Variants in SMYD3 observed in about 807,000 individuals in gnomAD.
The protein encoded by SMYD3 is SET and MYND domain containing 3, also known as histone-lysine N-methyltransferase SMYD3.
A neutral mutation model predicts 57.7 loss-of-function variants in SMYD3; 36 were observed. That is an observed-to-expected ratio of 0.62 (90% CI 0.48 to 0.82). The LOEUF is 0.82. Among genes scored for constraint, SMYD3 ranks in the 40% least tolerant of loss-of-function variants. The probability of loss-of-function intolerance (pLI) is 0.00; values close to 1 mark genes in which losing one functional copy is unlikely to be tolerated. For missense variants in SMYD3, 515 were observed against 538.8 expected, an observed-to-expected ratio of 0.96 and a Z score of 0.44; for synonymous variants, 211 against 195.0, an observed-to-expected ratio of 1.08 and a Z score of -0.68.
intron 1 of SMYD3, among the ~76,000 whole-genome samples, chr1:246,420,644 G>T (rs2067128678): frequency 6.6e-6 from 1 of 152,124 alleles, no homozygotes. Flanking sequence ...AGATTCAACT[G>T]CCCAAAAATA....
At chr1:246,000,706 CAA>C (rs1307536426) in intron 5 of SMYD3, among the ~76,000 whole-genome samples, 22 of 152,174 alleles carry the variant, frequency 1.4e-4, no homozygotes, top group Admixed American at 5.9e-4. Context: ...GCTCACTAAT[CAA>C]GATAACAGAG....
intron 5 of SMYD3, among the ~76,000 whole-genome samples, chr1:246,182,223 CACAA>C (rs1315797997): frequency 2.0e-5 from 3 of 152,098 alleles, no homozygotes; most frequent in Middle Eastern, 3.2e-3. Flanking sequence ...CCCTGGTGGC[CACAA>C]ACACTCTTAT....
intron 5 of SMYD3, among the ~76,000 whole-genome samples, chr1:246,123,817 T>C (rs2061463572): frequency 6.6e-6 from 1 of 152,122 alleles, no homozygotes; most frequent in Admixed American, 6.5e-5. Context: ...TGTGTTTTTT[T>C]TCCCCTGAGA....
chr1:246,144,856 C>T (rs902898944), intron 5 of SMYD3, among the ~76,000 whole-genome samples: 1 of 152,224 alleles, frequency 6.6e-6, no homozygotes. Context: ...ACAGAATTTA[C>T]TCTGCAATGT....
intron 1 of SMYD3, among the ~76,000 whole-genome samples, chr1:246,423,263 C>T (rs2067170317): frequency 1.3e-5 from 2 of 149,468 alleles, no homozygotes; most frequent in South Asian, 2.1e-4. Flanking sequence ...CGCCACTGCA[C>T]TCCAGCCTGG....
At chr1:245,934,637 G>C (rs925172414) in intron 5 of SMYD3, among the ~76,000 whole-genome samples, 1 of 152,180 alleles carries the variant, frequency 6.6e-6, no homozygotes, top group Non-Finnish European at 1.5e-5. Flanking sequence ...GCTGGCGACG[G>C]AGGTCAGCTC....
intron 5 of SMYD3, among the ~76,000 whole-genome samples, chr1:246,051,206 C>G (rs1311276994): frequency 6.6e-6 from 1 of 150,774 alleles, no homozygotes; most frequent in Non-Finnish European, 1.5e-5. Context: ...TCACAGTTCA[C>G]TGCAGCCTCC....
intron 5 of SMYD3, among the ~76,000 whole-genome samples, chr1:246,036,929 T>C (rs926985722): frequency 6.6e-6 from 1 of 152,108 alleles, no homozygotes; most frequent in Non-Finnish European, 1.5e-5. Flanking sequence ...GTACTCTTAA[T>C]GGCATAACTG....
chr1:245,758,154 A>G (rs1394338282), intron 11 of SMYD3, among the ~76,000 whole-genome samples: 2 of 152,124 alleles, frequency 1.3e-5, no homozygotes, highest in East Asian at 3.8e-4. Flanking sequence ...GTGTTATTGC[A>G]AATAGCATTA....
At chr1:245,838,219 T>C (rs893452272) in intron 10 of SMYD3, among the ~76,000 whole-genome samples, 9 of 152,222 alleles carry the variant, frequency 5.9e-5, no homozygotes, top group Admixed American at 4.6e-4. Flanking sequence ...GCATGGGCTC[T>C]CCTCGCTTGG....
At chr1:246,099,814 T>G (rs2060977790) in intron 5 of SMYD3, among the ~76,000 whole-genome samples, 1 of 152,174 alleles carries the variant, frequency 6.6e-6, no homozygotes, top group South Asian at 2.1e-4. Context: ...CATTACCTCA[T>G]CAGAAATCCA....
At chr1:246,235,028 T>C (rs776722776) in intron 5 of SMYD3, among the ~76,000 whole-genome samples, 1 of 152,306 alleles carries the variant, frequency 6.6e-6, no homozygotes, top group Admixed American at 6.5e-5. Flanking sequence ...TCTTACAACA[T>C]GGAATCACGT....
At chr1:246,118,821 T>G (rs868607838) in intron 5 of SMYD3, among the ~76,000 whole-genome samples, 1 of 151,710 alleles carries the variant, frequency 6.6e-6, no homozygotes, top group South Asian at 2.1e-4. Context: ...GCTTTTTTTT[T>G]TTTTTTGGCT....
chr1:245,816,692 CACCGTGCGCGA>C (rs1405007391), intron 10 of SMYD3, among the ~76,000 whole-genome samples: 2 of 152,064 alleles, frequency 1.3e-5, no homozygotes, highest in African/African-American at 4.8e-5. Context: ...TGGGTGCGCG[CACCGTGCGCGA>C]GCCGAAGCAG....
At chr1:246,271,927 A>T (rs1234753492) in intron 5 of SMYD3, among the ~76,000 whole-genome samples, 2 of 152,320 alleles carry the variant, frequency 1.3e-5, no homozygotes, top group Non-Finnish European at 2.9e-5. Context: ...CAGTTCACAA[A>T]CATGGGATAT....
At chr1:245,871,813 G>T (rs1349457261) in intron 8 of SMYD3, among the ~76,000 whole-genome samples, 1 of 152,072 alleles carries the variant, frequency 6.6e-6, no homozygotes, top group Admixed American at 6.5e-5. Flanking sequence ...TGTCACAGTG[G>T]CCTGAGTTTT....
intron 5 of SMYD3, chr1:246,326,499 C>T (rs1008761916): frequency 5.3e-6 from 3 of 563,852 alleles, no homozygotes; most frequent in Non-Finnish European, 6.2e-6. Flanking sequence ...GGAGGCCGGG[C>T]GTGGCAGTTC....
chr1:246,350,432 T>C (rs775185243), intron 2 of SMYD3, among the ~76,000 whole-genome samples: 10 of 152,246 alleles, frequency 6.6e-5, no homozygotes, highest in South Asian at 4.2e-4. Context: ...AAAGAGACCA[T>C]GGTAACAGGT....
intron 5 of SMYD3, among the ~76,000 whole-genome samples, chr1:246,212,403 G>A (rs1263010511): frequency 6.6e-6 from 1 of 151,912 alleles, no homozygotes; most frequent in East Asian, 1.9e-4. Flanking sequence ...TTTTATGAAA[G>A]GAAATAATTC....
Sources: allele counts gnomAD v4.1 joint callset (sites outside exome capture counted in the v4.1 genomes callset), GRCh38; gene constraint gnomAD v4.1.1; transcripts MANE v1.5; gene names NCBI Gene and HGNC (gene_info 2026-07-23, HGNC 2026-07-21).